Variants in NT5DC1 observed in about 807,000 individuals in gnomAD.
NT5DC1 encodes 5'-nucleotidase domain containing 1, also known as 5'-nucleotidase domain-containing protein 1.
NT5DC1 carries 42 observed loss-of-function variants against 59.4 expected under a neutral mutation model. The observed-to-expected ratio is 0.71, with a 90% CI of 0.55 to 0.92. The LOEUF (loss-of-function observed/expected upper bound fraction) is 0.92. Ranked by LOEUF, NT5DC1 falls within the 40% of genes least tolerant of loss-of-function variation. The probability of loss-of-function intolerance (pLI) is 0.00; values close to 1 mark genes in which losing one functional copy is unlikely to be tolerated. For synonymous variants in NT5DC1, 172 were observed against 188.1 expected (o/e 0.91, Z 0.70); for missense variants, 501 against 537.1 (o/e 0.93, Z 0.66).
intron 6 of NT5DC1, among the ~76,000 whole-genome samples, chr6:116,191,978 A>G (rs1053027881): frequency 5.3e-5 from 8 of 152,068 alleles, no homozygotes; most frequent in African/African-American, 9.7e-5. Flanking sequence ...TGAGGTAGAA[A>G]TTACGAGCAA....
intron 6 of NT5DC1, among the ~76,000 whole-genome samples, chr6:116,148,031 A>G (rs964513651): frequency 6.6e-6 from 1 of 151,900 alleles, no homozygotes; most frequent in African/African-American, 2.4e-5. Context: ...GTTGTGGACT[A>G]TGAAAAGACA....
chr6:116,230,249 T>G (rs1257727658), intron 8 of NT5DC1, among the ~76,000 whole-genome samples: 1 of 152,214 alleles, frequency 6.6e-6, no homozygotes, highest in Non-Finnish European at 1.5e-5. Flanking sequence ...TATTATTTAC[T>G]TAGGCACAAA....
At chr6:116,229,992 G>A (rs906986186) in intron 8 of NT5DC1, among the ~76,000 whole-genome samples, 1 of 152,134 alleles carries the variant, frequency 6.6e-6, no homozygotes, top group Non-Finnish European at 1.5e-5. Flanking sequence ...AAACATGCCG[G>A]TCACCTTGTG....
At chr6:116,135,067 A>C (rs1779556448) in intron 6 of NT5DC1, among the ~76,000 whole-genome samples, 1 of 152,180 alleles carries the variant, frequency 6.6e-6, no homozygotes, top group Non-Finnish European at 1.5e-5. Context: ...TTATTGATAC[A>C]TTGATTTATT....
chr6:116,217,884 A>G (rs931332834), intron 6 of NT5DC1, among the ~76,000 whole-genome samples: 7 of 152,160 alleles, frequency 4.6e-5, no homozygotes, highest in African/African-American at 9.7e-5. Flanking sequence ...ACCTTGACTT[A>G]TTTCAATAAA....
chr6:116,238,185 A>G lies in NT5DC1; in HGVS notation c.922-2A>G. On this transcript the variant is annotated splice_acceptor_variant, in intron 9 of 11. Coordinates refer to ENST00000319550, the MANE Select transcript of NT5DC1 (RefSeq NM_152729.3). LOFTEE classifies it high-confidence loss of function. ...AAACAGCATCTGCTATCTGTCTTAC[A>G]GGTTGTTTATTTTGGTGACAGCATG... The G allele has an allele frequency of 6.2e-7, 1 of 1,606,634 alleles. No homozygotes were observed. The highest frequency in any genetic ancestry group is 8.5e-7 in the Non-Finnish European group (1 of 1,175,894).
intron 8 of NT5DC1, among the ~76,000 whole-genome samples, chr6:116,234,422 C>G (rs1333735891): frequency 1.3e-5 from 2 of 152,006 alleles, no homozygotes; most frequent in African/African-American, 4.8e-5. Context: ...CTCACTGAAA[C>G]CTCTTTCTCC....
intron 4 of NT5DC1, among the ~76,000 whole-genome samples, chr6:116,114,031 C>T (rs771450013): frequency 6.6e-6 from 1 of 152,336 alleles, no homozygotes; most frequent in Admixed American, 6.5e-5. Flanking sequence ...CAGAAAAGCA[C>T]ATGGCATATC....
At chr6:116,139,978 T>C (rs1779724092) in intron 6 of NT5DC1, among the ~76,000 whole-genome samples, 1 of 152,178 alleles carries the variant, frequency 6.6e-6, no homozygotes, top group South Asian at 2.1e-4. Context: ...TCAGGTGTTT[T>C]GCTTTTCTTA....
intron 6 of NT5DC1, among the ~76,000 whole-genome samples, chr6:116,160,313 C>T (rs767385033): frequency 6.6e-6 from 1 of 152,096 alleles, no homozygotes; most frequent in Non-Finnish European, 1.5e-5. Flanking sequence ...GCTATTCTGA[C>T]TGGTATGAGA....
rs143193454 is a variant in NT5DC1 at position 116,123,922 on chromosome 6, G to A, written c.529+5977G>A. 2.6e-3 allele frequency among the ~76,000 whole-genome samples: 399 copies of A among 152,258 alleles called. 10 individuals are homozygous for A. The South Asian group carries it at 0.044, about 17-fold the overall frequency. ...GACTTTGTTATGCTCTTATTAAGGT[G>A]TTAAAAAGTCTGATTTTTGTGATCA... On this transcript the variant is annotated intron_variant, in intron 6 of 11. Transcript: ENST00000319550.
chr6:116,176,300 A>G (rs1330985103), intron 6 of NT5DC1, among the ~76,000 whole-genome samples: 2 of 152,112 alleles, frequency 1.3e-5, no homozygotes, highest in Non-Finnish European at 2.9e-5. Flanking sequence ...GTATAGCACC[A>G]CACTCTTGCT....
intron 5 of NT5DC1, among the ~76,000 whole-genome samples, chr6:116,117,602 C>G (rs188534307): frequency 6.1e-4 from 93 of 152,238 alleles, no homozygotes; most frequent in Middle Eastern, 6.8e-3. Context: ...AAAAGAAAGC[C>G]TATTTTATAA....
intron 6 of NT5DC1, chr6:116,158,540 T>G (rs537250589): frequency 6.6e-6 from 1 of 152,338 alleles, no homozygotes; most frequent in East Asian, 1.9e-4. Flanking sequence ...ACAGCCAGTA[T>G]TTTTGCCCTG....
intron 3 of NT5DC1, 103 bp from the exon 4 acceptor site, chr6:116,110,747 T>A: frequency 1.2e-6 from 1 of 868,106 alleles, no homozygotes; most frequent in Non-Finnish European, 2.0e-6. Flanking sequence ...ATACATATGT[T>A]TTTGTTAGCT....
At chr6:116,172,429 C>T (rs1412992212) in intron 6 of NT5DC1, among the ~76,000 whole-genome samples, 6 of 147,426 alleles carry the variant, frequency 4.1e-5, no homozygotes, top group Non-Finnish European at 8.9e-5. Flanking sequence ...TCAGGCAATT[C>T]TCCTGCCTCA....
intron 8 of NT5DC1, among the ~76,000 whole-genome samples, chr6:116,228,965 T>C (rs1360317883): frequency 6.6e-6 from 1 of 152,202 alleles, no homozygotes; most frequent in Non-Finnish European, 1.5e-5. Flanking sequence ...TTTCCTTGTC[T>C]CTGGGCTTCA....
chr6:116,103,133 CTG>C (rs1234246149), intron 1 of NT5DC1, among the ~76,000 whole-genome samples: 4 of 152,164 alleles, frequency 2.6e-5, no homozygotes, highest in Non-Finnish European at 5.9e-5. Flanking sequence ...CCATCAGTAT[CTG>C]TGACAGTTTC....
chr6:116,103,271 A>G (rs750259835), intron 1 of NT5DC1, among the ~76,000 whole-genome samples: 44 of 152,202 alleles, frequency 2.9e-4, no homozygotes, highest in Non-Finnish European at 5.3e-4. Flanking sequence ...CATGCTGCTT[A>G]TATGAATGGA....
Sources: gnomAD v4.1 joint callset for allele counts (sites outside exome capture counted in the v4.1 genomes callset) on GRCh38, gnomAD v4.1.1 for gene constraint, MANE v1.5 for transcripts, NCBI Gene and HGNC (gene_info 2026-07-23, HGNC 2026-07-21) for gene names.